EXOSC9: variants seen among roughly 807,000 people sequenced by gnomAD.
EXOSC9 encodes exosome complex component RRP45.
In EXOSC9, 38 loss-of-function variants were observed where a neutral mutation model predicts 56.5. The observed-to-expected ratio is 0.67, with a 90% CI of 0.52 to 0.88. EXOSC9 has a LOEUF of 0.88. Among genes scored for constraint, EXOSC9 ranks in the 40% least tolerant of loss-of-function variants. EXOSC9 has a pLI of 0.00. For missense variants in EXOSC9, 559 were observed against 530.5 expected, an observed-to-expected ratio of 1.05 and a Z score of -0.53; for synonymous variants, 170 against 170.8, an observed-to-expected ratio of 0.99 and a Z score of 0.04.
In EXOSC9 at chr4:121,816,818, C is replaced by A; in HGVS notation, c.1282C>A (p.Pro428Thr). The change falls in exon 12 of 12, where the codon CCA (proline) becomes ACA (threonine). Residue 428 changes from proline to threonine, a missense_variant. Coordinates refer to ENST00000243498, the MANE Select transcript of EXOSC9 (RefSeq NM_005033.3). ...AKQEKAPSKK[P>T]VKRRKKKRAA... Reference sequence around the variant, plus strand: ...ACAAGAAAAAGCACCAAGTAAAAAGCCAGTGAAAAGAAGAAAAAAGAAGAG... The same window carrying A: ...ACAAGAAAAAGCACCAAGTAAAAAGACAGTGAAAAGAAGAAAAAAGAAGAG... 1.3e-6 allele frequency: 2 copies of A among 1,599,948 alleles called. No individual in the cohort carries two copies. The highest frequency in any genetic ancestry group is 1.7e-5 in the Admixed American group (1 of 58,572).
Position 121,801,385 on chromosome 4 carries a change from C to A in EXOSC9, c.-40C>A. On this transcript the variant is annotated 5_prime_UTR_variant, in exon 1 of 12. Transcript: ENST00000243498. ...AAGGAAAGATCGGGTTCCGTTTTTC[C>A]CGCGGATTCTGGTGCCTGTGGGGCC... 2 of 1,599,302 alleles carry A rather than the reference C, an allele frequency of 1.3e-6. No homozygotes were observed. The highest frequency in any genetic ancestry group is 1.7e-6 in the Non-Finnish European group (2 of 1,166,586).
At position 121,813,162 on chromosome 4, in the gene EXOSC9, C is replaced by G. The variant is rs557917783; in HGVS notation, c.828-72C>G. The stretch of plus-strand genomic sequence containing the variant: ...CAAAGGATAAAATAATAGTTTTTTT[C>G]CCTTCCTGTCTTCTATCCAATCTGT... On this transcript the variant is annotated intron_variant, in intron 8 of 11. Coordinates refer to ENST00000243498, the MANE Select transcript of EXOSC9 (RefSeq NM_005033.3). The G allele has an allele frequency of 5.9e-5, 81 of 1,373,182 alleles. 2 individuals carry two copies. In the South Asian group the frequency reaches 1.1e-3, roughly 18 times the overall value. The allele number at this position is 1,373,182 out of a possible 1,614,324, so 85.1% of individuals were successfully genotyped here.
At chr4:121,803,282 G>A (rs757905869) in intron 4 of EXOSC9, among the ~76,000 whole-genome samples, 1 of 151,952 alleles carries the variant, frequency 6.6e-6, no homozygotes, top group Non-Finnish European at 1.5e-5. Context: ...GGTGAAAATA[G>A]CAACTTAGAT....
Position 121,816,988 on chromosome 4 carries a change from T to A in EXOSC9, c.*132T>A. 2 of 911,852 alleles carry A rather than the reference T, an allele frequency of 2.2e-6. No homozygotes were observed. Among genetic ancestry groups the A allele is most frequent in the Non-Finnish European group, 3.1e-6 (2 of 639,426 alleles). 56.5% of individuals were successfully genotyped at this position (911,852 alleles called of 1,614,324 possible). ...GATTTTAAAAATAGTTTTTTGTTTT[T>A]AATGTGCTTTAAAATAATAAACCTT... is the stretch of plus-strand genomic sequence containing the variant. On this transcript the variant is annotated 3_prime_UTR_variant, in exon 12 of 12. Coordinates refer to ENST00000243498, the MANE Select transcript of EXOSC9 (RefSeq NM_005033.3).
Position 121,813,839 on chromosome 4 carries a change from G to A in EXOSC9, c.975-27G>A, listed in dbSNP as rs770953181. On this transcript the variant is annotated intron_variant, in intron 9 of 11. Coordinates refer to ENST00000243498, the MANE Select transcript of EXOSC9 (RefSeq NM_005033.3). ...CAGTTCATCAAATAGCAATATTTTT[G>A]TTACTCAGTTTTCTTAACTTGTTAA... The A allele has an allele frequency of 2.0e-6, 3 of 1,518,210 alleles. No homozygotes were observed. The South Asian group carries it at 3.5e-5, about 18-fold the overall frequency. 94.0% of individuals were successfully genotyped at this position (1,518,210 alleles called of 1,614,324 possible).
chr4:121,813,917 A>T lies in EXOSC9; in HGVS notation c.1026A>T (p.Gly342=). The change falls in exon 10 of 12, where the codon GGA becomes GGT. Residue 342 remains glycine, a synonymous_variant. Transcript: ENST00000243498. ...WTPGTAQIGE[G]VENSWGDLED... ...CTGGAACTGCCCAAATTGGAGAGGG[A>T]GTAGAAAACTCCTGGGGTGATCTTG... is the stretch of plus-strand genomic sequence containing the variant. 1.2e-6 allele frequency: 2 copies of T among 1,613,418 alleles called. No individual in the cohort carries two copies. Among genetic ancestry groups the T allele is most frequent in the Non-Finnish European group, 1.7e-6 (2 of 1,179,500 alleles).
intron 10 of EXOSC9, chr4:121,815,311 A>G (rs892453495): frequency 1.0e-6 from 1 of 952,914 alleles, no homozygotes; most frequent in Admixed American, 6.2e-5. Context: ...CACTGTTAAT[A>G]TCCTTGCACT....
intron 6 of EXOSC9, 133 bp downstream of exon 6, chr4:121,807,755 T>C (rs2149036293): frequency 1.6e-6 from 1 of 625,252 alleles, no homozygotes; most frequent in Non-Finnish European, 2.9e-6. Context: ...CCTTTCTTTC[T>C]TTGTAAGGGC....
chr4:121,816,870 A>T lies in EXOSC9; in HGVS notation c.*14A>T. 6.5e-7 allele frequency: 1 copy of T among 1,545,554 alleles called. No homozygotes were observed. Among genetic ancestry groups the T allele is most frequent in the Non-Finnish European group, 8.8e-7 (1 of 1,141,368 alleles). ...GCTGCCAATTAAAGCTAACAGTTGT[A>T]TATCTGTATATATAACTATTAAAAG... is the stretch of plus-strand genomic sequence containing the variant. On this transcript the variant is annotated 3_prime_UTR_variant, in exon 12 of 12. Coordinates refer to ENST00000243498, the MANE Select transcript of EXOSC9 (RefSeq NM_005033.3).
chr4:121,802,500 A>G (rs994979019), intron 2 of EXOSC9, among the ~76,000 whole-genome samples, 174 bp from the exon 3 acceptor site: 1 of 152,146 alleles, frequency 6.6e-6, no homozygotes, highest in African/African-American at 2.4e-5. Context: ...AGTTGTACCA[A>G]TTTATGTTTT....
At chr4:121,815,271 T>C (rs1243315142) in intron 10 of EXOSC9, 1 of 656,734 alleles carries the variant, frequency 1.5e-6, no homozygotes, top group Non-Finnish European at 1.9e-6. Flanking sequence ...ATTCTCTTAT[T>C]GTTGAAGATG....
rs1223988384 is a variant in EXOSC9, at chr4:121,807,553, A to G, written c.536A>G (p.Glu179Gly). Reference protein sequence around the residue: ...GDEVTLYTPEERDPVPLSIHH... With the variant: ...GDEVTLYTPEGRDPVPLSIHH... ...CTTTTGAAACAGTATACACCTGAAG[A>G]GCGTGATCCTGTACCATTAAGTATC... is the stretch of plus-strand genomic sequence containing the variant. Residue 179 changes from glutamate to glycine, a missense_variant, in exon 6 of 12, where the codon GAG becomes GGG. Glu to Gly is a moderately conservative substitution (Grantham distance 98). Coordinates refer to ENST00000243498, the MANE Select transcript of EXOSC9 (RefSeq NM_005033.3). 6.2e-7 allele frequency: 1 copy of G among 1,610,410 alleles called. No individual in the cohort carries two copies.
rs145746159 is a variant in EXOSC9 at position 121,813,324 on chromosome 4, G to C, written c.918G>C (p.Ser306=). The C allele has an allele frequency of 6.2e-7, 1 of 1,613,428 alleles. No individual in the cohort carries two copies. Among genetic ancestry groups the C allele is most frequent in the Non-Finnish European group, 8.5e-7 (1 of 1,179,594 alleles). ...FKMEKAPIDT[S]DVEEKAEEII... is the part of the protein sequence containing the mutation. ...TGGAAAAGGCCCCTATTGATACCTCGGATGTAGAAGAAAAAGCAGAAGAAA... is the reference window on the plus strand; with the variant it reads ...TGGAAAAGGCCCCTATTGATACCTCCGATGTAGAAGAAAAAGCAGAAGAAA... The change falls in exon 9 of 12, where the codon TCG becomes TCC. Residue 306 remains serine, a synonymous_variant. Transcript: ENST00000243498.
chr4:121,809,430 A>G (rs1156486941), intron 6 of EXOSC9, among the ~76,000 whole-genome samples: 1 of 152,244 alleles, frequency 6.6e-6, no homozygotes, highest in Non-Finnish European at 1.5e-5. Flanking sequence ...CTCATGAGAT[A>G]GTCTACATTC....
intron 4 of EXOSC9, among the ~76,000 whole-genome samples, chr4:121,804,176 CTT>C (rs10707993): frequency 1.4e-3 from 165 of 121,188 alleles, no homozygotes; most frequent in Non-Finnish European, 1.6e-3. Flanking sequence ...AACTAAAAAA[CTT>C]TTTTTTTTTT....
rs1409545778 is a variant in EXOSC9 at position 121,816,383 on chromosome 4, C to G, written c.1171C>G (p.Leu391Val). 6.5e-7 allele frequency: 1 copy of G among 1,526,742 alleles called. No individual in the cohort carries two copies. The highest frequency in any genetic ancestry group is 1.4e-5 in the African/African-American group (1 of 69,894). 94.6% of individuals were successfully genotyped at this position (1,526,742 alleles called of 1,614,324 possible). The change falls in exon 11 of 12, where the codon CTC (leucine) becomes GTC (valine). Residue 391 changes from leucine (L) to valine (V), a missense_variant. Coordinates refer to ENST00000243498, the MANE Select transcript of EXOSC9 (RefSeq NM_005033.3). ...DIGSQDAPII[L>V]SDSEEEEMII... is the part of the protein sequence containing the mutation. ...AAAAAACAAAGATGCTCCCATAATA[C>G]TCTCAGATAGTGAAGAAGAAGAAAT...
In EXOSC9 at chr4:121,802,777, GC is replaced by G; in HGVS notation, c.266del (p.Ala89ValfsTer12). On this transcript the variant is annotated frameshift_variant, in exon 3 of 12. Coordinates refer to ENST00000243498, the MANE Select transcript of EXOSC9 (RefSeq NM_005033.3). LOFTEE classifies it high-confidence loss of function. The part of the protein sequence containing the change: ...NLELSQMAAP[A>X]FEPGRQSDLL... ...TGAACTCTCTCAGATGGCCGCTCCA[GC>G]TTTCGAACCTGGCAGGTATTTAAAT... 2 of 1,614,084 alleles carry G rather than the reference GC, an allele frequency of 1.2e-6. No individual in the cohort carries two copies. Among genetic ancestry groups the G allele is most frequent in the South Asian group, 2.2e-5 (2 of 91,066 alleles).
intron 8 of EXOSC9, among the ~76,000 whole-genome samples, chr4:121,812,922 C>T (rs570974440): frequency 6.6e-6 from 1 of 152,090 alleles, no homozygotes; most frequent in Non-Finnish European, 1.5e-5. Flanking sequence ...GATACATAAC[C>T]CAGCATTTCA....
Position 121,801,366 on chromosome 4 carries a change from A to G in EXOSC9, c.-59A>G. On this transcript the variant is annotated 5_prime_UTR_variant, in exon 1 of 12. Transcript: ENST00000243498. ...GGGGCGAGCAGCGGCGCGCAAGGAAAGATCGGGTTCCGTTTTTCCCGCGGA... is the reference window on the plus strand; with the variant it reads ...GGGGCGAGCAGCGGCGCGCAAGGAAGGATCGGGTTCCGTTTTTCCCGCGGA... 6.6e-7 allele frequency: 1 copy of G among 1,516,582 alleles called. No homozygotes were observed. The highest frequency in any genetic ancestry group is 9.2e-7 in the Non-Finnish European group (1 of 1,091,204). 93.9% of individuals were successfully genotyped at this position (1,516,582 alleles called of 1,614,324 possible).
Sources: allele counts gnomAD v4.1 joint callset (sites outside exome capture counted in the v4.1 genomes callset), GRCh38; gene constraint gnomAD v4.1.1; transcripts MANE v1.5; gene names NCBI Gene and HGNC (gene_info 2026-07-23, HGNC 2026-07-21).